PDK1: variants seen among roughly 807,000 people sequenced by gnomAD.
PDK1 encodes [Pyruvate dehydrogenase (acetyl-transferring)] kinase isozyme 1, mitochondrial.
A neutral mutation model predicts 54.2 loss-of-function variants in PDK1; 39 were observed. The ratio of observed to expected loss-of-function variants is 0.72; its 90% confidence interval spans 0.56 to 0.94. The LOEUF (loss-of-function observed/expected upper bound fraction) is 0.94, where lower values mean the gene tolerates loss of function less well. Among genes scored for constraint, PDK1 ranks in the 40% least tolerant of loss-of-function variants. The pLI, the probability that PDK1 is intolerant of heterozygous loss-of-function variation, is 0.00. For synonymous variants in PDK1, 221 were observed against 207.1 expected, an observed-to-expected ratio of 1.07 and a Z score of -0.58; for missense variants, 552 against 566.0, an observed-to-expected ratio of 0.98 and a Z score of 0.25.
intron 1 of PDK1, 139 bp from the exon 2 acceptor site, chr2:172,558,569 C>T: frequency 1.4e-6 from 1 of 693,684 alleles, no homozygotes; most frequent in Non-Finnish European, 2.4e-6. Context: ...TGTATCTTTG[C>T]CTCCTATTCC....
downstream of PDK1, among the ~76,000 whole-genome samples, chr2:172,609,680 T>C (rs1332158359): frequency 6.6e-6 from 1 of 152,242 alleles, no homozygotes; most frequent in Non-Finnish European, 1.5e-5. Context: ...ACATCATCAT[T>C]AGAACGCATG....
At position 172,592,959 on chromosome 2, in the gene PDK1, A is replaced by AT; in HGVS notation, c.1082dup (p.Ser362IlefsTer29). ...GGCTGGTTTTGGTTATGGATTGCCC[A>AT]TATCACGTCTTTACGCACAATACTT... On this transcript the variant is annotated frameshift_variant, in exon 10 of 11. Transcript: ENST00000282077. LOFTEE classifies it high-confidence loss of function. The AT allele has an allele frequency of 6.2e-7, 1 of 1,611,884 alleles. No homozygotes were observed. Among genetic ancestry groups the AT allele is most frequent in the Non-Finnish European group, 8.5e-7 (1 of 1,178,210 alleles).
rs1361896394 is a variant in PDK1 at position 172,587,194 on chromosome 2, G to A, written c.1056+806G>A. The stretch of plus-strand genomic sequence containing the variant: ...TGCTGACTTCAAGAATGAAGCTGCG[G>A]ACCCTCGCAGTGTTACAGTTCTTAA... On this transcript the variant is annotated intron_variant, in intron 9 of 10. Transcript: ENST00000282077. Among the ~76,000 whole-genome samples the A allele has an allele frequency of 2.6e-5, 4 of 152,198 alleles. No individual in the cohort carries two copies. The East Asian group carries it at 7.7e-4, about 29-fold the overall frequency.
rs1190346579 is a variant in PDK1, at chr2:172,602,826, T to A, written c.*6857T>A. 1 of 152,162 alleles carries A rather than the reference T, an allele frequency of 6.6e-6. No individual in the cohort carries two copies. Among genetic ancestry groups the A allele is most frequent in the Non-Finnish European group, 1.5e-5 (1 of 68,032 alleles). The allele number at this position is 152,162 out of a possible 1,614,324, so 9.4% of individuals were successfully genotyped here. A position where few individuals can be genotyped will look rare whatever the true frequency, so the allele number is the denominator to read the frequency against. Reference sequence around the variant, plus strand: ...ATCTTCCTTTGGAGAAAAAGGTCCCTTTAATCTTAAAACCAACTCTCAGTG... The same window carrying A: ...ATCTTCCTTTGGAGAAAAAGGTCCCATTAATCTTAAAACCAACTCTCAGTG... On this transcript the variant is annotated 3_prime_UTR_variant, in exon 11 of 11. Transcript: ENST00000282077.
At chr2:172,625,062 A>AGAAAACATGGAGATAT in the PDK1 span, among the ~76,000 whole-genome samples, 1 of 151,878 alleles carries the variant, frequency 6.6e-6, no homozygotes, top group African/African-American at 2.4e-5. Flanking sequence ...GAATCCAGGG[A>AGAAAACATGGAGATAT]GAAAACATGG....
At chr2:172,669,418 C>T in the PDK1 span, among the ~76,000 whole-genome samples, 150,718 of 152,342 alleles carry the variant, frequency 0.99, 74,591 homozygotes, top group Middle Eastern at 1. Context: ...AATCTATACA[C>T]TGATTGTTGG....
chr2:172,666,806 T>C, the PDK1 span, among the ~76,000 whole-genome samples: 1 of 152,086 alleles, frequency 6.6e-6, no homozygotes, highest in African/African-American at 2.4e-5. Context: ...AAGTTTAAAA[T>C]GAAGAACAAA....
intron 2 of PDK1, 134 bp from the exon 3 acceptor site, chr2:172,562,086 C>G (rs2149199768): frequency 1.8e-6 from 1 of 540,916 alleles, no homozygotes; most frequent in South Asian, 2.7e-5. Context: ...AAAAATTATA[C>G]TTCAACCATA....
chr2:172,556,622 G>A, intron 1 of PDK1: 1 of 321,070 alleles, frequency 3.1e-6, no homozygotes, highest in Non-Finnish European at 5.7e-6. Context: ...CGGCGCACGT[G>A]TGCAGGTGCG....
chr2:172,692,402 T>G, the PDK1 span, among the ~76,000 whole-genome samples: 1 of 152,214 alleles, frequency 6.6e-6, no homozygotes, highest in Non-Finnish European at 1.5e-5. Context: ...AGTTTAGAAC[T>G]TTTTGCTGTT....
At chr2:172,687,861 G>A in the PDK1 span, among the ~76,000 whole-genome samples, 1 of 152,124 alleles carries the variant, frequency 6.6e-6, no homozygotes, top group Non-Finnish European at 1.5e-5. Flanking sequence ...TCCTCTTCTT[G>A]CCTGCTGCCC....
chr2:172,636,149 C>T, the PDK1 span, among the ~76,000 whole-genome samples: 1 of 152,218 alleles, frequency 6.6e-6, no homozygotes, highest in Admixed American at 6.5e-5. Flanking sequence ...TGAGACATAT[C>T]TACAGAAGGT....
rs901766744 is a variant in PDK1 at position 172,596,092 on chromosome 2, A to C, written c.*123A>C. 1.2e-6 allele frequency: 1 copy of C among 811,210 alleles called. No individual in the cohort carries two copies. Among genetic ancestry groups the C allele is most frequent in the Non-Finnish European group, 1.9e-6 (1 of 537,692 alleles). The allele number at this position is 811,210 out of a possible 1,614,324, so 50.3% of individuals were successfully genotyped here. A position where few individuals can be genotyped will look rare whatever the true frequency, so the allele number is the denominator to read the frequency against. On this transcript the variant is annotated 3_prime_UTR_variant, in exon 11 of 11. Transcript: ENST00000282077. The stretch of plus-strand genomic sequence containing the variant: ...GTTTTCACAAAACTATTTGAGTAGA[A>C]TAAATGGAAACTGAATTCCATTTGT...
At chr2:172,660,741 T>A in the PDK1 span, among the ~76,000 whole-genome samples, 1 of 152,156 alleles carries the variant, frequency 6.6e-6, no homozygotes, top group African/African-American at 2.4e-5. Context: ...ACTTCAAATC[T>A]GTGGACACTT....
chr2:172,632,797 T>C, the PDK1 span, among the ~76,000 whole-genome samples: 4 of 151,746 alleles, frequency 2.6e-5, no homozygotes, highest in Non-Finnish European at 5.9e-5. Flanking sequence ...CTGGCCAACA[T>C]GGTGAAAACC....
At chr2:172,658,249 C>T in the PDK1 span, among the ~76,000 whole-genome samples, 2 of 152,206 alleles carry the variant, frequency 1.3e-5, no homozygotes, top group Non-Finnish European at 2.9e-5. Context: ...AATGGAGGGA[C>T]TGGCTGGAGC....
rs570035686 is a variant in PDK1, at chr2:172,583,521, T to C, written c.946-2757T>C. On this transcript the variant is annotated intron_variant, in intron 8 of 10. Transcript: ENST00000282077. ...GTTGGCCAGGCTGGTCTCGAACTGC[T>C]GACCTCAAGTGATTCGCCGGCCTTG... Among the ~76,000 whole-genome samples the C allele has an allele frequency of 8.5e-5, 13 of 152,082 alleles. No homozygotes were observed. In the South Asian group the frequency reaches 2.7e-3, roughly 32 times the overall value.
At chr2:172,693,724 C>G in the PDK1 span, among the ~76,000 whole-genome samples, 4 of 152,164 alleles carry the variant, frequency 2.6e-5, no homozygotes, top group Non-Finnish European at 5.9e-5. Context: ...TGGAGCCACA[C>G]CTCTTCCTCT....
At chr2:172,587,314 C>T (rs1215556548) in intron 9 of PDK1, among the ~76,000 whole-genome samples, 1 of 152,176 alleles carries the variant, frequency 6.6e-6, no homozygotes, top group Non-Finnish European at 1.5e-5. Context: ...AGGAGTGAAG[C>T]TGCAGACCTT....
Sources: allele counts gnomAD v4.1 joint callset (sites outside exome capture counted in the v4.1 genomes callset), GRCh38; gene constraint gnomAD v4.1.1; transcripts MANE v1.5; gene names NCBI Gene and HGNC (gene_info 2026-07-23, HGNC 2026-07-21).